The following RFX4 variants were observed in gnomAD, a reference collection of about 807,000 sequenced individuals.
RFX4 encodes regulatory factor X4.
In RFX4, 10 loss-of-function variants were observed where a neutral mutation model predicts 95.0. That is an observed-to-expected ratio of 0.11 (90% CI 0.06 to 0.18). RFX4 has a LOEUF of 0.18. RFX4 is among the 10% of genes least tolerant of loss of function. The pLI is 1.00. For missense variants in RFX4, 640 were observed against 922.0 expected, an observed-to-expected ratio of 0.69 and a Z score of 3.96; for synonymous variants, 321 against 340.7, an observed-to-expected ratio of 0.94 and a Z score of 0.64.
intron 4 of RFX4, among the ~76,000 whole-genome samples, chr12:106,675,741 T>C (rs756176835): frequency 1.3e-5 from 2 of 152,104 alleles, no homozygotes; most frequent in African/African-American, 2.4e-5. Flanking sequence ...TGAGTAGACA[T>C]TAGGCAGAAA....
At chr12:106,690,267 C>T (rs2041751710) in intron 7 of RFX4, among the ~76,000 whole-genome samples, 1 of 152,182 alleles carries the variant, frequency 6.6e-6, no homozygotes. Context: ...TAAAGAAGTA[C>T]TGTTCTTCCT....
At chr12:106,696,510 T>C in intron 8 of RFX4, 64 bp downstream of exon 8, 2 of 1,584,044 alleles carry the variant, frequency 1.3e-6, no homozygotes, top group South Asian at 1.1e-5. Context: ...TCTGCTTCTC[T>C]TGTACTGATT....
rs76765358 is a variant in RFX4 at position 106,760,093 on chromosome 12, C to T, written c.1936-1104C>T. On this transcript the variant is annotated intron_variant, in intron 17 of 17. Transcript: ENST00000392842. The stretch of plus-strand genomic sequence containing the variant: ...AGGAGGCAGCCTCCCACCTAATCCC[C>T]TGGGCCTCCACTTTCCAACTGTCAG... 3.1e-3 allele frequency among the ~76,000 whole-genome samples: 479 copies of T among 152,300 alleles called. 8 individuals carry two copies. The highest frequency in any genetic ancestry group is 0.025 in the East Asian group (130 of 5,164).
chr12:106,589,941 T>C (rs1016396315), intron 1 of RFX4, among the ~76,000 whole-genome samples: 6 of 152,372 alleles, frequency 3.9e-5, no homozygotes, highest in African/African-American at 1.4e-4. Flanking sequence ...CATTCATTCA[T>C]CCAAGAAGAC....
intron 5 of RFX4, 54 bp from the exon 6 acceptor site, chr12:106,686,830 G>A (rs1201033237): frequency 2.0e-6 from 3 of 1,508,062 alleles, no homozygotes; most frequent in Non-Finnish European, 2.7e-6. Context: ...AGTGCATGTG[G>A]GTCTCTCTCT....
chr12:106,689,080 C>T (rs2041726167), intron 6 of RFX4, among the ~76,000 whole-genome samples: 3 of 152,176 alleles, frequency 2.0e-5, no homozygotes, highest in Admixed American at 2.0e-4. Context: ...CACACTCGTG[C>T]TGTGTGAGCA....
intron 2 of RFX4, among the ~76,000 whole-genome samples, chr12:106,624,437 G>C (rs962585232): frequency 6.6e-6 from 1 of 152,154 alleles, no homozygotes; most frequent in Non-Finnish European, 1.5e-5. Flanking sequence ...CAATTCTCCT[G>C]CCTCAGCCTT....
At chr12:106,616,843 C>G (rs1371225030) in intron 2 of RFX4, among the ~76,000 whole-genome samples, 1 of 152,142 alleles carries the variant, frequency 6.6e-6, no homozygotes, top group African/African-American at 2.4e-5. Flanking sequence ...TCACTTTAAC[C>G]TCTGCCTGCC....
chr12:106,749,135 A>T (rs1462353550), intron 16 of RFX4, among the ~76,000 whole-genome samples: 2 of 151,378 alleles, frequency 1.3e-5, no homozygotes, highest in African/African-American at 4.9e-5. Context: ...GGGTGCCTGT[A>T]GCCCCAGCTA....
chr12:106,702,247 G>C (rs572079534), intron 8 of RFX4, among the ~76,000 whole-genome samples: 28 of 151,954 alleles, frequency 1.8e-4, no homozygotes, highest in African/African-American at 6.3e-4. Flanking sequence ...AATTTTTATT[G>C]GCTGCCAAAC....
chr12:106,721,490 A>C (rs1475954115), intron 13 of RFX4, among the ~76,000 whole-genome samples: 10 of 152,170 alleles, frequency 6.6e-5, no homozygotes. Flanking sequence ...TACTGATAAC[A>C]GTCTCTGCGG....
rs1043046811 is a variant in RFX4 at position 106,589,203 on chromosome 12, G to A, written c.43+5840G>A. Among the ~76,000 whole-genome samples, 6 of 152,114 alleles carry A rather than the reference G, an allele frequency of 3.9e-5. No individual in the cohort carries two copies. In the East Asian group the frequency reaches 1.2e-3, roughly 29 times the overall value. The stretch of plus-strand genomic sequence containing the variant: ...AATGAACTTGAAGAGTTTATTTGGA[G>A]GTATCAGGTAAAAGTGAAGTTTAAA... On this transcript the variant is annotated intron_variant, in intron 1 of 17. Transcript: ENST00000392842.
chr12:106,676,993 T>C (rs1009073489), intron 4 of RFX4, among the ~76,000 whole-genome samples: 2 of 152,200 alleles, frequency 1.3e-5, no homozygotes, highest in Non-Finnish European at 2.9e-5. Context: ...ATCTGAGCTG[T>C]GTGGCTTTGT....
chr12:106,600,595 C>A (rs768809004), intron 1 of RFX4, among the ~76,000 whole-genome samples: 9 of 152,186 alleles, frequency 5.9e-5, no homozygotes, highest in Middle Eastern at 3.2e-3. Context: ...CCTTTCTGAG[C>A]CAGTGCAGTC....
chr12:106,729,366 A>G lies in RFX4; in HGVS notation c.1352-2764A>G, dbSNP rs556752922. Among the ~76,000 whole-genome samples the G allele has an allele frequency of 3.9e-5, 6 of 152,352 alleles. No homozygotes were observed. In the South Asian group the frequency reaches 1.2e-3, roughly 32 times the overall value. On this transcript the variant is annotated intron_variant, in intron 13 of 17. Coordinates refer to ENST00000392842, the MANE Select transcript of RFX4 (RefSeq NM_213594.3). Reference sequence around the variant, plus strand: ...ATCATGTCATGAGATCTTAGAACATAGCAGCAAAAGGGATCTTAGCAATAA... The same window carrying G: ...ATCATGTCATGAGATCTTAGAACATGGCAGCAAAAGGGATCTTAGCAATAA...
At chr12:106,681,185 G>C (rs1187724196) in intron 4 of RFX4, 1 of 152,208 alleles carries the variant, frequency 6.6e-6, no homozygotes, top group Non-Finnish European at 1.5e-5. Context: ...ATACCCCTAG[G>C]CTTTCATTCC....
chr12:106,739,125 C>CAGAAAGAA (rs55743965), intron 15 of RFX4, among the ~76,000 whole-genome samples: 11,603 of 149,114 alleles, frequency 0.078, 520 homozygotes, highest in East Asian at 0.23. Context: ...GGACCAAAAC[C>CAGAAAGAA]AGAAAGAAAG....
At chr12:106,710,336 C>G (rs1005063494) in intron 9 of RFX4, among the ~76,000 whole-genome samples, 2 of 152,140 alleles carry the variant, frequency 1.3e-5, no homozygotes, top group Non-Finnish European at 2.9e-5. Context: ...ATTGATAAAG[C>G]CTGCTTTATT....
intron 13 of RFX4, among the ~76,000 whole-genome samples, chr12:106,724,833 G>A (rs2042461269): frequency 6.6e-6 from 1 of 152,068 alleles, no homozygotes; most frequent in African/African-American, 2.4e-5. Context: ...ACAACATGGT[G>A]AAACCCCGTC....
Sources: gnomAD v4.1 joint callset for allele counts (sites outside exome capture counted in the v4.1 genomes callset) on GRCh38, gnomAD v4.1.1 for gene constraint, MANE v1.5 for transcripts, NCBI Gene and HGNC (gene_info 2026-07-23, HGNC 2026-07-21) for gene names.